The following ARFIP2 variants were observed in gnomAD, a reference collection of about 807,000 sequenced individuals.
The protein encoded by ARFIP2 is ARF interacting protein 2.
ARFIP2 carries 14 observed loss-of-function variants against 39.2 expected under a neutral mutation model. The observed-to-expected ratio is 0.36, with a 90% CI of 0.24 to 0.56. The LOEUF is 0.56. Ranked by LOEUF, ARFIP2 falls within the 20% of genes least tolerant of loss-of-function variation. The pLI is 0.85. For missense variants in ARFIP2, 305 were observed against 422.5 expected, an observed-to-expected ratio of 0.72 and a Z score of 2.44; for synonymous variants, 167 against 172.4, an observed-to-expected ratio of 0.97 and a Z score of 0.24.
At chr11:6,479,722 G>A (rs1223958165) in intron 3 of ARFIP2, 2 of 563,204 alleles carry the variant, frequency 3.6e-6, no homozygotes, top group Admixed American at 3.4e-5. Flanking sequence ...TGTGAAGCAG[G>A]TCTTAACTTG....
chr11:6,477,272 G>A lies in ARFIP2; in HGVS notation c.871-4C>T, dbSNP rs1371298013. 1 of 1,612,168 alleles carries A rather than the reference G, an allele frequency of 6.2e-7. No individual in the cohort carries two copies. Among genetic ancestry groups the A allele is most frequent in the Non-Finnish European group, 8.5e-7 (1 of 1,179,350 alleles). On this transcript the variant is annotated splice_polypyrimidine_tract_variant and splice_region_variant and intron_variant, in intron 7 of 7. Coordinates refer to ENST00000396777, the MANE Select transcript of ARFIP2 (RefSeq NM_001376558.2). The surrounding 1 kb of genome is among the most constrained non-coding windows in gnomAD (Gnocchi z 4.8). ...GCTGCTTGTGCATCACCTTGATCTGGGGGTCCAGCAGGGTCAGCTAAGGCT... is the reference window on the plus strand; with the variant it reads ...GCTGCTTGTGCATCACCTTGATCTGAGGGTCCAGCAGGGTCAGCTAAGGCT...
rs1403324431 is a variant in ARFIP2, at chr11:6,479,456, T to C, written c.197-198A>G. 8.7e-6 allele frequency: 9 copies of C among 1,037,108 alleles called. 1 individual carries two copies. The highest frequency in any genetic ancestry group is 1.3e-5 in the Non-Finnish European group (9 of 715,014). The allele number at this position is 1,037,108 out of a possible 1,614,324, so 64.2% of individuals were successfully genotyped here. ...AAATCCTGATATACATATGGCCTCC[T>C]TGGGGGTTAGAGGAGGGGTTTGCAG... is the stretch of plus-strand genomic sequence containing the variant. On this transcript the variant is annotated intron_variant, in intron 3 of 7. Coordinates refer to ENST00000396777, the MANE Select transcript of ARFIP2 (RefSeq NM_001376558.2).
rs1015979684 is a variant in ARFIP2 at position 6,478,511 on chromosome 11, G to T, written c.537+227C>A. ...AGGCATTCTCCCCAGTGCAGAGAGGGGTTATTTGTGAGGCACCTAGTGTGC... is the reference window on the plus strand; with the variant it reads ...AGGCATTCTCCCCAGTGCAGAGAGGTGTTATTTGTGAGGCACCTAGTGTGC... On this transcript the variant is annotated intron_variant, in intron 5 of 7. Coordinates refer to ENST00000396777, the MANE Select transcript of ARFIP2 (RefSeq NM_001376558.2). The surrounding 1 kb of genome is among the most constrained non-coding windows in gnomAD (Gnocchi z 4.8). The T allele has an allele frequency of 2.2e-6, 3 of 1,363,596 alleles. No homozygotes were observed. The highest frequency in any genetic ancestry group is 1.9e-6 in the Non-Finnish European group (2 of 1,034,470). The allele number at this position is 1,363,596 out of a possible 1,614,324, so 84.5% of individuals were successfully genotyped here. A position where few individuals can be genotyped will look rare whatever the true frequency, so the allele number is the denominator to read the frequency against.
intron 4 of ARFIP2, 74 bp from the exon 5 acceptor site, chr11:6,479,033 C>T (rs1420832714): frequency 1.1e-5 from 17 of 1,579,572 alleles, no homozygotes; most frequent in Non-Finnish European, 1.5e-5. Flanking sequence ...CCCCAGCACC[C>T]CCCAGGCTCC....
chr11:6,481,176 C>T (rs912758840), intron 1 of ARFIP2, 55 bp downstream of exon 1: 11 of 502,546 alleles, frequency 2.2e-5, no homozygotes, highest in South Asian at 1.2e-4. Flanking sequence ...GGCATCTTGC[C>T]CTCTGGACAG....
chr11:6,479,427 A>C, intron 3 of ARFIP2, 169 bp from the exon 4 acceptor site: 1 of 1,384,090 alleles, frequency 7.2e-7, no homozygotes, highest in South Asian at 1.3e-5. Context: ...GCGCGGTGAG[A>C]ACCAAATCCT....
Position 6,477,634 on chromosome 11 carries a change from C to T in ARFIP2, c.870+84G>A. 1.3e-6 allele frequency: 2 copies of T among 1,487,356 alleles called. No homozygotes were observed. Among genetic ancestry groups the T allele is most frequent in the Non-Finnish European group, 1.8e-6 (2 of 1,093,960 alleles). 92.1% of individuals were successfully genotyped at this position (1,487,356 alleles called of 1,614,324 possible). On this transcript the variant is annotated intron_variant, in intron 7 of 7. Transcript: ENST00000396777. The surrounding 1 kb of genome is among the most constrained non-coding windows in gnomAD (Gnocchi z 4.8). ...ACTCCCCAGCTAGGCTGCATTTCCTCATTCAATAATGGGGAGGGTCTGAGG... is the reference window on the plus strand; with the variant it reads ...ACTCCCCAGCTAGGCTGCATTTCCTTATTCAATAATGGGGAGGGTCTGAGG...
At chr11:6,480,501 G>T in intron 1 of ARFIP2, 38 bp from the exon 2 acceptor site, 1 of 1,135,090 alleles carries the variant, frequency 8.8e-7, no homozygotes, top group Non-Finnish European at 1.2e-6. Flanking sequence ...ACACTGGCCA[G>T]CACTCTAGAA....
chr11:6,478,765 G>T lies in ARFIP2; in HGVS notation c.510C>A (p.Asp170Glu). ...GAAGCTCTGGGGACTTCTGGCTGAGGTCAGCAAAGGCATCACCCAGTGCAT... is the reference window on the plus strand; with the variant it reads ...GAAGCTCTGGGGACTTCTGGCTGAGTTCAGCAAAGGCATCACCCAGTGCAT... The part of the protein sequence containing the change: ...TQHALGDAFA[D>E]LSQKSPELQE... Residue 170 changes from aspartate to glutamate, a missense_variant, in exon 5 of 8, where the codon GAC (aspartate) becomes GAA (glutamate). Physicochemically the swap from Asp to Glu is conservative, Grantham distance 45 (BLOSUM62 2). Transcript: ENST00000396777. The surrounding 1 kb of genome is among the most constrained non-coding windows in gnomAD (Gnocchi z 4.8). 6.2e-7 allele frequency: 1 copy of T among 1,612,758 alleles called. No individual in the cohort carries two copies.
intron 1 of ARFIP2, 75 bp from the exon 2 acceptor site, chr11:6,480,538 TA>T: frequency 1.3e-6 from 1 of 748,384 alleles, no homozygotes; most frequent in Non-Finnish European, 2.1e-6. Context: ...GTCATTTCTT[TA>T]AAGGCTGTCC....
In ARFIP2 at chr11:6,476,590, T is replaced by G. The variant is rs1851087090; in HGVS notation, c.*523A>C. 1 of 149,822 alleles carries G rather than the reference T, an allele frequency of 6.7e-6. No homozygotes were observed. Among genetic ancestry groups the G allele is most frequent in the African/African-American group, 2.5e-5 (1 of 40,712 alleles). The allele number at this position is 149,822 out of a possible 1,614,324, so 9.3% of individuals were successfully genotyped here. On this transcript the variant is annotated 3_prime_UTR_variant, in exon 8 of 8. Transcript: ENST00000396777. Reference sequence around the variant, plus strand: ...GGGCTCTAAGCACAATTAAACTGGGTGGGTGGGTGAGGGTAGGCCTATTCA... The same window carrying G: ...GGGCTCTAAGCACAATTAAACTGGGGGGGTGGGTGAGGGTAGGCCTATTCA...
Position 6,477,793 on chromosome 11 carries a change from G to A in ARFIP2, c.795C>T (p.Phe265=), listed in dbSNP as rs764045312. ...RGRLESAQAT[F]QAHRDKYEKL... Reference sequence around the variant, plus strand: ...TCTCATACTTGTCCCGATGGGCCTGGAAAGTGGCCTGGGCACTCTCAAGTC... The same window carrying A: ...TCTCATACTTGTCCCGATGGGCCTGAAAAGTGGCCTGGGCACTCTCAAGTC... Residue 265 remains phenylalanine (F), a synonymous_variant, in exon 7 of 8, where the codon TTC becomes TTT. Transcript: ENST00000396777. This position sits in a 1 kb window ranked among gnomAD's most constrained non-coding sequence, Gnocchi z 4.8. 1.9e-6 allele frequency: 3 copies of A among 1,613,896 alleles called. No homozygotes were observed. In the Admixed American group the frequency reaches 5.0e-5, roughly 27 times the overall value.
At chr11:6,479,030 AC>A in intron 4 of ARFIP2, 71 bp from the exon 5 acceptor site, 2 of 1,580,198 alleles carry the variant, frequency 1.3e-6, no homozygotes, top group Non-Finnish European at 1.7e-6. Flanking sequence ...CTACCCCAGC[AC>A]CCCCCAGGCT....
rs1851268605 is a variant in ARFIP2 at position 6,477,894 on chromosome 11, T to G, written c.696-2A>C. Reference sequence around the variant, plus strand: ...GTTCGGTAGGCATCATATTCCAGCCTGGGGAGGGGGTGATAAAGGCTGGTC... The same window carrying G: ...GTTCGGTAGGCATCATATTCCAGCCGGGGGAGGGGGTGATAAAGGCTGGTC... On this transcript the variant is annotated splice_acceptor_variant, in intron 6 of 7. Coordinates refer to ENST00000396777, the MANE Select transcript of ARFIP2 (RefSeq NM_001376558.2). LOFTEE classifies it high-confidence loss of function. The surrounding 1 kb of genome is among the most constrained non-coding windows in gnomAD (Gnocchi z 4.8). 1 of 1,613,518 alleles carries G rather than the reference T, an allele frequency of 6.2e-7. No homozygotes were observed. Among genetic ancestry groups the G allele is most frequent in the Non-Finnish European group, 8.5e-7 (1 of 1,179,758 alleles).
chr11:6,477,287 C>A lies in ARFIP2; in HGVS notation c.871-19G>T. On this transcript the variant is annotated intron_variant, in intron 7 of 7. Transcript: ENST00000396777. The surrounding 1 kb of genome is among the most constrained non-coding windows in gnomAD (Gnocchi z 4.8). ...CCTTGATCTGGGGGTCCAGCAGGGT[C>A]AGCTAAGGCTGGACTCAGGCGCCCT... 6.2e-7 allele frequency: 1 copy of A among 1,609,238 alleles called. No individual in the cohort carries two copies. Among genetic ancestry groups the A allele is most frequent in the South Asian group, 1.1e-5 (1 of 90,248 alleles).
chr11:6,480,598 T>C (rs960660961), intron 1 of ARFIP2, 135 bp from the exon 2 acceptor site: 4 of 560,772 alleles, frequency 7.1e-6, no homozygotes, highest in South Asian at 2.3e-5. Flanking sequence ...TCTTCAGATA[T>C]ATGTATTTCT....
chr11:6,480,693 T>A, intron 1 of ARFIP2: 2 of 375,546 alleles, frequency 5.3e-6, no homozygotes, highest in Non-Finnish European at 9.7e-6. Flanking sequence ...ACTCTGGTGA[T>A]TATTTCTACA....
rs1851333839 is a variant in ARFIP2 at position 6,478,394 on chromosome 11, T to C, written c.538-196A>G. ...GGGATACCTGGGGTAGGAATGTGGG[T>C]GGTGGGCATTCTTGGGTAAGTTCAC... On this transcript the variant is annotated intron_variant, in intron 5 of 7. Coordinates refer to ENST00000396777, the MANE Select transcript of ARFIP2 (RefSeq NM_001376558.2). The surrounding 1 kb of genome is among the most constrained non-coding windows in gnomAD (Gnocchi z 4.8). Among the ~76,000 whole-genome samples, 4 of 151,930 alleles carry C rather than the reference T, an allele frequency of 2.6e-5. No individual in the cohort carries two copies. The South Asian group carries it at 6.3e-4, about 24-fold the overall frequency.
rs991910449 is a variant in ARFIP2 at position 6,478,442 on chromosome 11, T to C, written c.538-244A>G. The C allele has an allele frequency of 4.1e-6, 4 of 978,126 alleles. No homozygotes were observed. Among genetic ancestry groups the C allele is most frequent in the African/African-American group, 1.6e-5 (1 of 60,666 alleles). The allele number at this position is 978,126 out of a possible 1,614,324, so 60.6% of individuals were successfully genotyped here. A position where few individuals can be genotyped will look rare whatever the true frequency, so the allele number is the denominator to read the frequency against. ...CACAAGACTGGAACAGTCTGAGAGC[T>C]AGTGTGGCAAGCAGGGGAGGGGCTC... On this transcript the variant is annotated intron_variant, in intron 5 of 7. Transcript: ENST00000396777. This position sits in a 1 kb window ranked among gnomAD's most constrained non-coding sequence, Gnocchi z 4.8.
Sources: gnomAD v4.1 joint callset for allele counts (sites outside exome capture counted in the v4.1 genomes callset) on GRCh38, gnomAD v4.1.1 for gene constraint, Gnocchi (gnomAD v3.1) non-coding constraint, MANE v1.5 for transcripts, NCBI Gene and HGNC (gene_info 2026-07-23, HGNC 2026-07-21) for gene names.